Variants in LIX1 observed in about 807,000 individuals in gnomAD.
The protein encoded by LIX1 is protein limb expression 1 homolog.
LIX1 carries 24 observed loss-of-function variants against 33.4 expected under a neutral mutation model. The ratio of observed to expected loss-of-function variants is 0.72; its 90% CI spans 0.52 to 1.01. The LOEUF (loss-of-function observed/expected upper bound fraction) is 1.01, where lower values mean the gene tolerates loss of function less well. Among genes scored for constraint, LIX1 ranks in the 50% least tolerant of loss-of-function variants. The pLI is 0.00. For synonymous variants in LIX1, 124 were observed against 124.0 expected (o/e 1.00, Z 0.00); for missense variants, 311 against 339.2 (o/e 0.92, Z 0.65).
intron 2 of LIX1, among the ~76,000 whole-genome samples, chr5:97,122,050 C>T (rs1747797780): frequency 6.6e-6 from 1 of 152,158 alleles, no homozygotes; most frequent in Non-Finnish European, 1.5e-5. Context: ...TCTTTGGTGT[C>T]CACGGTTACA....
intron 1 of LIX1, among the ~76,000 whole-genome samples, chr5:97,132,636 C>T (rs915365552): frequency 6.6e-6 from 1 of 152,124 alleles, no homozygotes. Flanking sequence ...GCCCTGATGT[C>T]CCAGCTTTAC....
Position 97,107,369 on chromosome 5 carries a change from G to A in LIX1, c.378C>T (p.Ala126=). The A allele has an allele frequency of 6.2e-7, 1 of 1,612,110 alleles. No individual in the cohort carries two copies. The highest frequency in any genetic ancestry group is 2.2e-5 in the East Asian group (1 of 44,880). ...FIMESVQEAV[A]STSGTLDDAD... ...CATGGTGGGTACTCACGCTGGTGGA[G>A]GCTACTGCTTCCTGAACACTTTCCA... The change falls in exon 3 of 6, where the codon GCC becomes GCT. Residue 126 remains alanine, a synonymous_variant. Coordinates refer to ENST00000274382, the MANE Select transcript of LIX1 (RefSeq NM_153234.5).
chr5:97,099,763 G>C (rs1561487812), intron 4 of LIX1, among the ~76,000 whole-genome samples: 1 of 152,130 alleles, frequency 6.6e-6, no homozygotes, highest in Non-Finnish European at 1.5e-5. Context: ...TTTGAACCTG[G>C]GAGGCGGAGA....
chr5:97,139,097 G>A (rs568460903), intron 1 of LIX1, among the ~76,000 whole-genome samples: 1 of 152,282 alleles, frequency 6.6e-6, no homozygotes, highest in Admixed American at 6.5e-5. Context: ...GTAAGGAGTT[G>A]GAAGACAGAA....
At chr5:97,132,845 A>G (rs541892813) in intron 1 of LIX1, among the ~76,000 whole-genome samples, 1 of 152,300 alleles carries the variant, frequency 6.6e-6, no homozygotes, top group African/African-American at 2.4e-5. Context: ...GCCTGGACAG[A>G]AAAACCCACT....
At chr5:97,127,266 G>A (rs1169765418) in intron 1 of LIX1, among the ~76,000 whole-genome samples, 1 of 152,150 alleles carries the variant, frequency 6.6e-6, no homozygotes, top group African/African-American at 2.4e-5. Flanking sequence ...TGATAGTCTA[G>A]GTAAAATGCA....
intron 1 of LIX1, among the ~76,000 whole-genome samples, chr5:97,126,505 T>G (rs1747924765): frequency 6.6e-6 from 1 of 152,174 alleles, no homozygotes; most frequent in Admixed American, 6.6e-5. Flanking sequence ...GGAAAGAAAT[T>G]GGGAAAATGT....
intron 4 of LIX1, among the ~76,000 whole-genome samples, chr5:97,103,983 A>G (rs566234905): frequency 6.6e-6 from 1 of 152,008 alleles, no homozygotes; most frequent in South Asian, 2.1e-4. Context: ...AAAAAAAAAA[A>G]AAAAAGAAAA....
At chr5:97,105,333 T>A in intron 3 of LIX1, 48 bp from the exon 4 acceptor site, 1 of 1,480,060 alleles carries the variant, frequency 6.8e-7, no homozygotes, top group Non-Finnish European at 9.4e-7. Flanking sequence ...TTTCCTCCTC[T>A]TCTTTGAATG....
chr5:97,099,516 A>G (rs369973793), intron 4 of LIX1, among the ~76,000 whole-genome samples: 2 of 152,174 alleles, frequency 1.3e-5, no homozygotes, highest in South Asian at 2.1e-4. Flanking sequence ...TTTGCATTCT[A>G]TTGTGTATGT....
rs770393249 is a variant in LIX1 at position 97,107,349 on chromosome 5, T to A, written c.387+11A>T. On this transcript the variant is annotated intron_variant, in intron 3 of 5. Transcript: ENST00000274382. ...TGCAGCCATCTCCTGCCCTCCATGG[T>A]GGGTACTCACGCTGGTGGAGGCTAC... 1 of 1,611,260 alleles carries A rather than the reference T, an allele frequency of 6.2e-7. No homozygotes were observed. The highest frequency in any genetic ancestry group is 1.7e-5 in the Admixed American group (1 of 59,924).
intron 2 of LIX1, among the ~76,000 whole-genome samples, chr5:97,107,732 T>C (rs1053450318): frequency 2.0e-5 from 3 of 152,228 alleles, no homozygotes; most frequent in African/African-American, 7.2e-5. Context: ...TTATAGTCAT[T>C]GAATGTCTAC....
At chr5:97,120,519 G>A (rs1291405596) in intron 2 of LIX1, among the ~76,000 whole-genome samples, 1 of 152,174 alleles carries the variant, frequency 6.6e-6, no homozygotes, top group Non-Finnish European at 1.5e-5. Context: ...AGGAGGTAGG[G>A]AGTTCCATCA....
At position 97,142,561 on chromosome 5, in the gene LIX1, C is replaced by T. The variant is rs770209920; in HGVS notation, c.16G>A (p.Glu6Lys). The change falls in exon 1 of 6, where the codon GAA becomes AAA. Residue 6 changes from glutamate to lysine, a missense_variant. Physicochemically the swap from Glu to Lys is moderately conservative, Grantham distance 56. Coordinates refer to ENST00000274382, the MANE Select transcript of LIX1 (RefSeq NM_153234.5). MDRTL[E>K]SLRHIIAQVL... Reference sequence around the variant, plus strand: ...TGGGCAATGATGTGTCTCAGAGATTCCAAGGTTCTGTCCATCTTGGGTCTG... The same window carrying T: ...TGGGCAATGATGTGTCTCAGAGATTTCAAGGTTCTGTCCATCTTGGGTCTG... 3 of 1,613,868 alleles carry T rather than the reference C, an allele frequency of 1.9e-6. No individual in the cohort carries two copies. Among genetic ancestry groups the T allele is most frequent in the Non-Finnish European group, 1.7e-6 (2 of 1,179,898 alleles).
At chr5:97,125,308 A>G (rs1747889391) in intron 1 of LIX1, among the ~76,000 whole-genome samples, 1 of 152,218 alleles carries the variant, frequency 6.6e-6, no homozygotes, top group Non-Finnish European at 1.5e-5. Flanking sequence ...AGCCTGCAGA[A>G]GTTCCAGATC....
intron 2 of LIX1, among the ~76,000 whole-genome samples, chr5:97,121,972 A>G (rs1049751439): frequency 1.3e-4 from 20 of 152,134 alleles, no homozygotes. Flanking sequence ...ACCTGCAGGC[A>G]CAAGTGGGTT....
chr5:97,102,760 C>T (rs1347251033), intron 4 of LIX1, among the ~76,000 whole-genome samples: 1 of 151,778 alleles, frequency 6.6e-6, no homozygotes, highest in East Asian at 1.9e-4. Context: ...TCACCTTCCC[C>T]CATCTTTGGC....
At chr5:97,096,466 C>T (rs560524501) in intron 5 of LIX1, among the ~76,000 whole-genome samples, 4 of 152,262 alleles carry the variant, frequency 2.6e-5, no homozygotes, top group African/African-American at 9.6e-5. Context: ...AAGTTTCTGC[C>T]TCAGAAGGTA....
Position 97,124,600 on chromosome 5 carries a change from A to C in LIX1, c.112T>G (p.Trp38Gly), listed in dbSNP as rs746471176. Residue 38 changes from tryptophan to glycine, a missense_variant, in exon 2 of 6, where the codon TGG becomes GGG. By Grantham distance (184) the Trp-to-Gly change is radical. Coordinates refer to ENST00000274382, the MANE Select transcript of LIX1 (RefSeq NM_153234.5). Reference sequence around the variant, plus strand: ...GCCTTCTGCTGCTGCTTGCTTTCCCAAAATTCCTGTAACATTGACACAACG... The same window carrying C: ...GCCTTCTGCTGCTGCTTGCTTTCCCCAAATTCCTGTAACATTGACACAACG... ...LNVVSMLQEF[W>G]ESKQQQKAAF... is the part of the protein sequence containing the mutation. 5 of 1,610,436 alleles carry C rather than the reference A, an allele frequency of 3.1e-6. 1 individual carries two copies. In the South Asian group the frequency reaches 3.3e-5, roughly 11 times the overall value.
Sources: allele counts gnomAD v4.1 joint callset (sites outside exome capture counted in the v4.1 genomes callset), GRCh38; gene constraint gnomAD v4.1.1; transcripts MANE v1.5; gene names NCBI Gene and HGNC (gene_info 2026-07-23, HGNC 2026-07-21).